Variants in GALNT2 observed in about 807,000 individuals in gnomAD.
GALNT2 encodes UDP-GalNAc:polypeptide N-acetylgalactosaminyltransferase 2.
GALNT2 carries 31 observed loss-of-function variants against 81.4 expected under a neutral mutation model. That is an observed-to-expected ratio of 0.38 (90% CI 0.29 to 0.51). The LOEUF is 0.51. GALNT2 is among the 20% of genes least tolerant of loss of function. The pLI, the probability that GALNT2 is intolerant of heterozygous loss-of-function variation, is 0.87. For synonymous variants in GALNT2, 303 were observed against 287.4 expected (o/e 1.05, Z -0.55); for missense variants, 629 against 765.7 (o/e 0.82, Z 2.11).
At chr1:230,100,856 G>A (rs1396586509) in intron 1 of GALNT2, among the ~76,000 whole-genome samples, 5 of 125,154 alleles carry the variant, frequency 4.0e-5, no homozygotes, top group Non-Finnish European at 6.9e-5. Flanking sequence ...TTTAGGAAGT[G>A]TATGGGAAAT....
chr1:230,161,876 A>G (rs923670202), intron 1 of GALNT2, among the ~76,000 whole-genome samples: 8 of 152,188 alleles, frequency 5.3e-5, no homozygotes, highest in African/African-American at 1.4e-4. Flanking sequence ...TAAAAATTCA[A>G]CTTGACCACA....
At chr1:230,091,727 T>A (rs1660088980) in intron 1 of GALNT2, 1 of 152,286 alleles carries the variant, frequency 6.6e-6, no homozygotes, top group Non-Finnish European at 1.5e-5. Context: ...TCCTTCCTGT[T>A]GGCTTCCTGT....
chr1:230,199,940 C>T (rs1415433448), intron 2 of GALNT2, among the ~76,000 whole-genome samples: 24 of 152,204 alleles, frequency 1.6e-4, no homozygotes, highest in African/African-American at 3.6e-4. Context: ...GCAGGGAAGC[C>T]GCCCCTGGTT....
At chr1:230,231,902 T>C (rs1170835156) in intron 3 of GALNT2, among the ~76,000 whole-genome samples, 1 of 152,172 alleles carries the variant, frequency 6.6e-6, no homozygotes, top group Non-Finnish European at 1.5e-5. Flanking sequence ...CTGCGTCGTC[T>C]GGTAGAACAA....
intron 3 of GALNT2, among the ~76,000 whole-genome samples, chr1:230,231,723 T>G (rs1284569865): frequency 6.6e-6 from 1 of 152,150 alleles, no homozygotes; most frequent in Non-Finnish European, 1.5e-5. Flanking sequence ...AAATAAAGGA[T>G]TCTTAAAACA....
intron 1 of GALNT2, among the ~76,000 whole-genome samples, chr1:230,095,583 C>T (rs4846896): frequency 6.6e-6 from 1 of 152,016 alleles, no homozygotes; most frequent in Non-Finnish European, 1.5e-5. Context: ...TCTGGGTTGG[C>T]TGGCTGTAGA....
chr1:230,263,598 C>G (rs1396967095), intron 13 of GALNT2: 1 of 152,524 alleles, frequency 6.6e-6, no homozygotes, highest in Admixed American at 6.5e-5. Flanking sequence ...TTTCCACACC[C>G]AGCCTCTTGT....
chr1:230,141,522 A>G (rs1161658966), intron 1 of GALNT2, among the ~76,000 whole-genome samples: 1 of 152,078 alleles, frequency 6.6e-6, no homozygotes, highest in African/African-American at 2.4e-5. Context: ...TAGGTCCCTC[A>G]TGTTAGTGGA....
intron 2 of GALNT2, among the ~76,000 whole-genome samples, chr1:230,198,737 G>A (rs1018879244): frequency 1.3e-5 from 2 of 152,150 alleles, no homozygotes; most frequent in African/African-American, 4.8e-5. Context: ...CTGAATCAGG[G>A]GTTTCAAGGC....
intron 3 of GALNT2, among the ~76,000 whole-genome samples, chr1:230,234,735 A>C (rs548974455): frequency 1.1e-4 from 17 of 152,326 alleles, no homozygotes; most frequent in Middle Eastern, 3.4e-3. Context: ...AGTCCTGCCC[A>C]GGTGTGTTGT....
At chr1:230,091,033 G>A (rs1005592117) in intron 1 of GALNT2, among the ~76,000 whole-genome samples, 1 of 151,962 alleles carries the variant, frequency 6.6e-6, no homozygotes, top group African/African-American at 2.4e-5. Context: ...GCACTCCTGG[G>A]GTGTGTGTAC....
intron 1 of GALNT2, among the ~76,000 whole-genome samples, chr1:230,158,043 G>T (rs1662314735): frequency 6.6e-6 from 1 of 152,228 alleles, no homozygotes; most frequent in Non-Finnish European, 1.5e-5. Flanking sequence ...GGATCTTGTT[G>T]TATGTGGAGA....
intron 1 of GALNT2, among the ~76,000 whole-genome samples, chr1:230,085,215 G>T (rs550513605): frequency 4.6e-5 from 7 of 152,278 alleles, no homozygotes; most frequent in Admixed American, 3.9e-4. Flanking sequence ...AGCATACCCT[G>T]ACAGTGACCC....
At position 230,243,296 on chromosome 1, in the gene GALNT2, G is replaced by T. The variant is rs774693718; in HGVS notation, c.608-10G>T. The T allele has an allele frequency of 3.8e-6, 6 of 1,589,920 alleles. No individual in the cohort carries two copies. The highest frequency in any genetic ancestry group is 5.1e-6 in the Non-Finnish European group (6 of 1,170,370). The stretch of plus-strand genomic sequence containing the variant: ...TCTCTCCTGACGTGCTTTCCAACTC[G>T]CCTCTGCAGGCCTCATGCGCTCACG... On this transcript the variant is annotated splice_polypyrimidine_tract_variant and intron_variant, in intron 6 of 15. Transcript: ENST00000366672. This position sits in a 1 kb window ranked among gnomAD's most constrained non-coding sequence, Gnocchi z 4.2.
intron 2 of GALNT2, among the ~76,000 whole-genome samples, chr1:230,180,282 G>A (rs1265474876): frequency 1.4e-5 from 2 of 146,612 alleles, no homozygotes; most frequent in African/African-American, 5.0e-5. Context: ...AAGTGTAAGA[G>A]CTGTGTCTAG....
At chr1:230,099,675 T>C (rs563404235) in intron 1 of GALNT2, among the ~76,000 whole-genome samples, 1 of 152,358 alleles carries the variant, frequency 6.6e-6, no homozygotes, top group South Asian at 2.1e-4. Flanking sequence ...AGCCATATTT[T>C]GGCTTTGGTT....
chr1:230,154,027 G>A (rs1662170700), intron 1 of GALNT2, among the ~76,000 whole-genome samples: 1 of 152,204 alleles, frequency 6.6e-6, no homozygotes, highest in Non-Finnish European at 1.5e-5. Flanking sequence ...CCCATTGTTT[G>A]GAGAATAATA....
At chr1:230,246,723 A>C (rs184696843) in intron 8 of GALNT2, among the ~76,000 whole-genome samples, 2 of 152,070 alleles carry the variant, frequency 1.3e-5, no homozygotes, top group East Asian at 3.9e-4. Context: ...CTGTGCCTAC[A>C]TCACCCTGGT....
At chr1:230,211,928 G>A (rs1243021886) in intron 3 of GALNT2, among the ~76,000 whole-genome samples, 1 of 152,158 alleles carries the variant, frequency 6.6e-6, no homozygotes, top group Non-Finnish European at 1.5e-5. Context: ...GTCAGGTTCG[G>A]CAGGATGTGA....
Sources: gnomAD v4.1 joint callset for allele counts (sites outside exome capture counted in the v4.1 genomes callset) on GRCh38, gnomAD v4.1.1 for gene constraint, Gnocchi (gnomAD v3.1) non-coding constraint, MANE v1.5 for transcripts, NCBI Gene and HGNC (gene_info 2026-07-23, HGNC 2026-07-21) for gene names.